Variants in ROBO2 observed in about 807,000 individuals in gnomAD.
ROBO2 encodes the protein roundabout homolog 2.
Under a neutral mutation model 160.8 loss-of-function variants are expected in ROBO2, and 53 were observed. The observed-to-expected ratio is 0.33, with a 90% CI of 0.26 to 0.41. The LOEUF is 0.41. Among genes scored for constraint, ROBO2 ranks in the 10% least tolerant of loss-of-function variants. The probability of loss-of-function intolerance (pLI) is 1.00; values close to 1 mark genes in which losing one functional copy is unlikely to be tolerated. For missense variants in ROBO2, 1,577 were observed against 1,722.4 expected, an observed-to-expected ratio of 0.92 and a Z score of 1.49; for synonymous variants, 664 against 611.7, an observed-to-expected ratio of 1.09 and a Z score of -1.26.
chr3:77,307,394 T>C (rs1020716100), intron 2 of ROBO2, among the ~76,000 whole-genome samples: 1 of 152,134 alleles, frequency 6.6e-6, no homozygotes, highest in Admixed American at 6.5e-5. Context: ...GGCTAAGGGA[T>C]TGCAAACATA....
At chr3:77,055,743 A>C (rs1466698171) in intron 1 of ROBO2, among the ~76,000 whole-genome samples, 2 of 152,050 alleles carry the variant, frequency 1.3e-5, no homozygotes, top group African/African-American at 2.4e-5. Flanking sequence ...TAACTTTATT[A>C]CACCCATTCC....
chr3:76,712,700 A>T (rs978677304), intron 2 of ROBO2, among the ~76,000 whole-genome samples: 8 of 151,800 alleles, frequency 5.3e-5, no homozygotes, highest in Non-Finnish European at 1.0e-4. Context: ...ATAATAATTA[A>T]AAAAAATTTA....
chr3:77,488,562 C>A (rs1167529890), intron 4 of ROBO2, among the ~76,000 whole-genome samples: 1 of 152,152 alleles, frequency 6.6e-6, no homozygotes, highest in African/African-American at 2.4e-5. Flanking sequence ...CTCTAATTGT[C>A]CAAACTCTAT....
chr3:76,445,355 G>T (rs1190206418), intron 2 of ROBO2, among the ~76,000 whole-genome samples: 2 of 152,116 alleles, frequency 1.3e-5, no homozygotes, highest in East Asian at 3.9e-4. Flanking sequence ...AGTAAACACA[G>T]AAATGAAGCT....
intron 2 of ROBO2, among the ~76,000 whole-genome samples, chr3:76,467,417 A>G (rs1241987546): frequency 6.6e-6 from 1 of 152,164 alleles, no homozygotes; most frequent in East Asian, 1.9e-4. Context: ...GAAGTAATAA[A>G]ATACACATGT....
chr3:77,294,095 T>C lies in ROBO2; in HGVS notation c.389-183319T>C, dbSNP rs371962890. Among the ~76,000 whole-genome samples the C allele has an allele frequency of 1.5e-4, 19 of 130,678 alleles. 1 individual carries two copies. Among genetic ancestry groups the C allele is most frequent in the East Asian group, 6.8e-4 (3 of 4,414 alleles). 85.7% of individuals were successfully genotyped at this position (130,678 alleles called of 152,430 possible). ...CAGTAAAGACATAAAGTAAAATTGA[T>C]GGTTAAACGGGTAAGCTGAGGCTAG... On this transcript the variant is annotated intron_variant, in intron 2 of 25. Transcript: ENST00000461745.
In ROBO2 at chr3:76,699,401, AG is replaced by A. The variant is rs1174859355; in HGVS notation, c.110-398611del. ...CCCACCATATCAGACTTCTCCAGGC[AG>A]GCCTTCATCTCATGAAGACTTTTTT... On this transcript the variant is annotated intron_variant, in intron 2 of 26. Transcript: ENST00000487694. 2.0e-5 allele frequency among the ~76,000 whole-genome samples: 3 copies of A among 149,454 alleles called. No homozygotes were observed. In the Admixed American group the frequency reaches 2.0e-4, roughly 10 times the overall value.
chr3:76,199,736 A>G (rs765696849), intron 2 of ROBO2, among the ~76,000 whole-genome samples: 1 of 152,162 alleles, frequency 6.6e-6, no homozygotes, highest in East Asian at 1.9e-4. Context: ...CCCACTTCCA[A>G]TTTAGGACCA....
At chr3:76,095,871 T>G (rs184657654) in intron 2 of ROBO2, among the ~76,000 whole-genome samples, 14 of 151,902 alleles carry the variant, frequency 9.2e-5, no homozygotes, top group African/African-American at 3.4e-4. Flanking sequence ...AAGACATAAA[T>G]GTGTAAAATA....
chr3:76,960,312 A>G (rs1057326673), intron 2 of ROBO2, among the ~76,000 whole-genome samples: 1 of 152,114 alleles, frequency 6.6e-6, no homozygotes, highest in African/African-American at 2.4e-5. Context: ...AGAAAGTTAG[A>G]GGTGCTATAA....
chr3:76,519,694 T>G (rs2081504479), intron 2 of ROBO2, among the ~76,000 whole-genome samples: 1 of 152,196 alleles, frequency 6.6e-6, no homozygotes, highest in African/African-American at 2.4e-5. Flanking sequence ...AAGCTCATCC[T>G]TTTGCTAGAA....
At chr3:76,371,549 C>T (rs1219602011) in intron 2 of ROBO2, among the ~76,000 whole-genome samples, 1 of 151,832 alleles carries the variant, frequency 6.6e-6, no homozygotes, top group African/African-American at 2.4e-5. Context: ...ATTGACTGCA[C>T]ATTTGCTGAT....
chr3:76,319,862 C>T (rs2072368170), intron 2 of ROBO2, among the ~76,000 whole-genome samples: 1 of 151,224 alleles, frequency 6.6e-6, no homozygotes, highest in African/African-American at 2.4e-5. Context: ...TTTAGCTTAA[C>T]GTAGAAATTC....
At chr3:77,602,427 T>G in exon 20 of ROBO2, 1 of 1,614,012 alleles carries the variant, frequency 6.2e-7, no homozygotes, top group Non-Finnish European at 8.5e-7. Context: ...AAAGCTCAAT[T>G]CAGCAAAAAA....
intron 2 of ROBO2, among the ~76,000 whole-genome samples, chr3:77,102,239 G>A (rs988667388): frequency 6.6e-6 from 1 of 152,102 alleles, no homozygotes. Flanking sequence ...TTAGAGCAGG[G>A]TACCTCAACC....
chr3:76,328,379 G>C (rs1291896209), intron 2 of ROBO2, among the ~76,000 whole-genome samples: 1 of 152,208 alleles, frequency 6.6e-6, no homozygotes. Flanking sequence ...TTAGGTACTA[G>C]CAAAGGTTTT....
chr3:76,182,715 C>A (rs367598192), intron 2 of ROBO2, among the ~76,000 whole-genome samples: 1 of 152,110 alleles, frequency 6.6e-6, no homozygotes, highest in African/African-American at 2.4e-5. Flanking sequence ...AGTCAGGAGG[C>A]GCAAATTAGA....
intron 2 of ROBO2, among the ~76,000 whole-genome samples, chr3:77,291,221 G>C (rs867719011): frequency 2.0e-5 from 3 of 151,512 alleles, no homozygotes; most frequent in Admixed American, 6.6e-5. Flanking sequence ...GCTGAGGCTA[G>C]AGCACTAAAG....
intron 2 of ROBO2, among the ~76,000 whole-genome samples, chr3:76,965,511 A>G (rs1453384702): frequency 6.6e-6 from 1 of 152,130 alleles, no homozygotes; most frequent in Non-Finnish European, 1.5e-5. Flanking sequence ...CTGAAGGGAA[A>G]TTGCGTGTAC....
Sources: gnomAD v4.1 joint callset for allele counts (sites outside exome capture counted in the v4.1 genomes callset) on GRCh38, gnomAD v4.1.1 for gene constraint, MANE v1.5 for transcripts, NCBI Gene and HGNC (gene_info 2026-07-23, HGNC 2026-07-21) for gene names.